The following RNF166 variants were observed in gnomAD, a reference collection of about 807,000 sequenced individuals.
RNF166 encodes the protein ring finger protein 166.
Under a neutral mutation model 29.4 loss-of-function variants are expected in RNF166, and 19 were observed. The observed-to-expected ratio is 0.65, with a 90% CI of 0.45 to 0.95. RNF166 has a LOEUF of 0.95. Ranked by LOEUF, RNF166 falls within the 40% of genes least tolerant of loss-of-function variation. RNF166 has a pLI of 0.00. For missense variants in RNF166, 347 were observed against 322.1 expected (o/e 1.08, Z -0.59); for synonymous variants, 171 against 134.5 (o/e 1.27, Z -1.88).
intron 5 of RNF166, 51 bp downstream of exon 5, chr16:88,698,451 G>A (rs749769459): frequency 1.7e-5 from 23 of 1,389,736 alleles, no homozygotes; most frequent in East Asian, 2.5e-5. Flanking sequence ...CGAGCAGGAG[G>A]AGGGTGGATG....
chr16:88,704,047 C>T (rs1167600125), intron 1 of RNF166: 5 of 985,474 alleles, frequency 5.1e-6, no homozygotes, highest in Non-Finnish European at 6.0e-6. Flanking sequence ...CCCAGGGGGC[C>T]TCCTGCGCGA....
intron 2 of RNF166, chr16:88,699,989 C>T: frequency 3.0e-6 from 1 of 336,610 alleles, no homozygotes; most frequent in Non-Finnish European, 5.5e-6. Flanking sequence ...TAGCGGGAAA[C>T]AGGTAAGGAG....
At chr16:88,698,267 G>T in intron 5 of RNF166, 4 of 693,788 alleles carry the variant, frequency 5.8e-6, no homozygotes, top group Non-Finnish European at 1.1e-5. Flanking sequence ...TGCCCTGTGC[G>T]GTCCATGTCC....
At chr16:88,698,245 C>G in intron 5 of RNF166, 1 of 656,172 alleles carries the variant, frequency 1.5e-6, no homozygotes. Context: ...GTGGGGTGGG[C>G]AGGCAGGGAC....
rs79609892 is a variant in RNF166, at chr16:88,698,267, G to C, written c.648+235C>G. ...GGGCAGGCAGGGACCTGCCCTGTGC[G>C]GTCCATGTCCCCGAGAGGCCTGGGC... On this transcript the variant is annotated intron_variant, in intron 5 of 5. Transcript: ENST00000312838. The C allele has an allele frequency of 7.1e-3, 4,937 of 693,776 alleles. 52 individuals carry two copies. Among genetic ancestry groups the C allele is most frequent in the Middle Eastern group, 0.023 (88 of 3,896 alleles). 43.0% of individuals were successfully genotyped at this position (693,776 alleles called of 1,614,324 possible).
At position 88,697,426 on chromosome 16, in the gene RNF166, G is replaced by A. The variant is rs903418842; in HGVS notation, c.*142C>T. 8.1e-6 allele frequency: 5 copies of A among 616,636 alleles called. No individual in the cohort carries two copies. The highest frequency in any genetic ancestry group is 3.8e-5 in the African/African-American group (2 of 53,076). The allele number at this position is 616,636 out of a possible 1,614,324, so 38.2% of individuals were successfully genotyped here. A position where few individuals can be genotyped will look rare whatever the true frequency, so the allele number is the denominator to read the frequency against. On this transcript the variant is annotated 3_prime_UTR_variant, in exon 6 of 6. Coordinates refer to ENST00000312838, the MANE Select transcript of RNF166 (RefSeq NM_178841.4). ...GGCCCGTATTCAGGCCCGGAGGCTC[G>A]GCCCCGGCTCCCCTTCTGCGCGGGT...
chr16:88,696,622 C>T lies in RNF166; in HGVS notation c.*946G>A, dbSNP rs752714988. ...CGCCAAGCGGGCCCCTGCCCAGGCC[C>T]CCAAGCTCTGCCACCACTGGGGTGC... On this transcript the variant is annotated 3_prime_UTR_variant, in exon 6 of 6. Coordinates refer to ENST00000312838, the MANE Select transcript of RNF166 (RefSeq NM_178841.4). 2.9e-5 allele frequency: 13 copies of T among 453,612 alleles called. 1 individual carries two copies. The highest frequency in any genetic ancestry group is 2.0e-4 in the South Asian group (13 of 64,120). 28.1% of individuals were successfully genotyped at this position (453,612 alleles called of 1,614,324 possible). A position where few individuals can be genotyped will look rare whatever the true frequency, so the allele number is the denominator to read the frequency against.
rs967306302 is a variant in RNF166 at position 88,703,179 on chromosome 16, G to A, written c.156-1761C>T. ...GAAACCCAGTGACCAGAAAGCAGAC[G>A]GGTGGGTGCCAGGCGAGGGGGAGAG... On this transcript the variant is annotated intron_variant, in intron 1 of 5. Coordinates refer to ENST00000312838, the MANE Select transcript of RNF166 (RefSeq NM_178841.4). The A allele has an allele frequency of 7.6e-5, 75 of 981,890 alleles. 1 individual carries two copies. Among genetic ancestry groups the A allele is most frequent in the South Asian group, 4.7e-5 (1 of 21,222 alleles). The allele number at this position is 981,890 out of a possible 1,614,324, so 60.8% of individuals were successfully genotyped here.
intron 2 of RNF166, chr16:88,701,043 C>T (rs1910163946): frequency 7.3e-7 from 1 of 1,373,148 alleles, no homozygotes; most frequent in Non-Finnish European, 9.6e-7. Flanking sequence ...GTGCTACCCC[C>T]ACCGGGCTGG....
intron 4 of RNF166, 108 bp downstream of exon 4, chr16:88,698,863 T>G: frequency 1.1e-6 from 1 of 889,990 alleles, no homozygotes; most frequent in Non-Finnish European, 1.8e-6. Context: ...CAGGAGGCCT[T>G]TGTGGCCTGG....
rs369715240 is a variant in RNF166 at position 88,697,659 on chromosome 16, C to T, written c.649-26G>A. The T allele has an allele frequency of 2.6e-5, 40 of 1,529,040 alleles. No homozygotes were observed. In the African/African-American group the frequency reaches 2.9e-4, roughly 11 times the overall value. 94.7% of individuals were successfully genotyped at this position (1,529,040 alleles called of 1,614,324 possible). On this transcript the variant is annotated intron_variant, in intron 5 of 5. Transcript: ENST00000312838. ...CTGGAGACAGGAAGGAGAGATGCAC[C>T]GGGCTCGAGGGAGACAGGAAGGAGA...
At chr16:88,702,860 C>G (rs1426022311) in intron 1 of RNF166, 3 of 985,518 alleles carry the variant, frequency 3.0e-6, no homozygotes, top group South Asian at 4.7e-5. Context: ...GGGGGGCCGC[C>G]TACTTCACCC....
chr16:88,703,317 C>T (rs1477447406), intron 1 of RNF166: 1 of 985,358 alleles, frequency 1.0e-6, no homozygotes, highest in Non-Finnish European at 1.2e-6. Flanking sequence ...GAACCCTGAG[C>T]TGCCAGAGAC....
chr16:88,706,251 G>C lies in RNF166; in HGVS notation c.75C>G (p.Ser25Arg). 7.7e-7 allele frequency: 1 copy of C among 1,304,646 alleles called. No homozygotes were observed. The highest frequency in any genetic ancestry group is 9.8e-7 in the Non-Finnish European group (1 of 1,023,896). 80.8% of individuals were successfully genotyped at this position (1,304,646 alleles called of 1,614,324 possible). ...QPPAGPAGGD[S>R]GLEAQYTCPI... is the part of the protein sequence containing the mutation. ...GGCAGGTGTACTGCGCCTCCAGGCC[G>C]CTGTCGCCGCCCGCCGGCCCGGCCG... Residue 25 changes from serine to arginine, a missense_variant, in exon 1 of 6, where the codon AGC becomes AGG. By Grantham distance (110) the Ser-to-Arg change is moderately radical. Transcript: ENST00000312838.
At chr16:88,706,109 C>G (rs992389305) in intron 1 of RNF166, 62 bp downstream of exon 1, 138 of 1,062,400 alleles carry the variant, frequency 1.3e-4, no homozygotes, top group Non-Finnish European at 1.5e-4. Context: ...CCGCCGGCCT[C>G]GCGACCCCTC....
chr16:88,706,061 A>T lies in RNF166; in HGVS notation c.155+110T>A, dbSNP rs1029598737. The stretch of plus-strand genomic sequence containing the variant: ...CGCGCCCCGAGGCCCCGGCGCCCCG[A>T]GTCCCCGCGCGCCCAGTCCGGAGCT... On this transcript the variant is annotated intron_variant, in intron 1 of 5. Transcript: ENST00000312838. 7 of 673,916 alleles carry T rather than the reference A, an allele frequency of 1.0e-5. No homozygotes were observed. In the African/African-American group the frequency reaches 1.4e-4, roughly 13 times the overall value. 41.7% of individuals were successfully genotyped at this position (673,916 alleles called of 1,614,324 possible).
In RNF166 at chr16:88,697,980, G is replaced by A. The variant is rs933642493; in HGVS notation, c.649-347C>T. The stretch of plus-strand genomic sequence containing the variant: ...GGCAGGCGGAGCGTGGGTCCCGGAC[G>A]ACTGGCAGAGGGAGTGACAGCCATC... On this transcript the variant is annotated intron_variant, in intron 5 of 5. Coordinates refer to ENST00000312838, the MANE Select transcript of RNF166 (RefSeq NM_178841.4). 9 of 472,104 alleles carry A rather than the reference G, an allele frequency of 1.9e-5. No homozygotes were observed. The Admixed American group carries it at 2.2e-4, about 12-fold the overall frequency. The allele number at this position is 472,104 out of a possible 1,614,324, so 29.2% of individuals were successfully genotyped here.
rs888110449 is a variant in RNF166, at chr16:88,697,477, C to T, written c.*91G>A. 28 of 950,194 alleles carry T rather than the reference C, an allele frequency of 2.9e-5. No individual in the cohort carries two copies. In the Admixed American group the frequency reaches 4.0e-4, roughly 13 times the overall value. The allele number at this position is 950,194 out of a possible 1,614,324, so 58.9% of individuals were successfully genotyped here. On this transcript the variant is annotated 3_prime_UTR_variant, in exon 6 of 6. Coordinates refer to ENST00000312838, the MANE Select transcript of RNF166 (RefSeq NM_178841.4). ...GCAGGCTCCTCCTGTGAGCTCAGTC[C>T]GGTGAGGTGCGCTCCCGAGCAGGTG...
intron 1 of RNF166, among the ~76,000 whole-genome samples, 185 bp downstream of exon 1, chr16:88,705,986 A>G (rs1910753421): frequency 6.6e-6 from 1 of 151,976 alleles, no homozygotes; most frequent in Non-Finnish European, 1.5e-5. Flanking sequence ...GCGGGGGATG[A>G]ACGCGCCCAG....
Sources: allele counts gnomAD v4.1 joint callset (sites outside exome capture counted in the v4.1 genomes callset), GRCh38; gene constraint gnomAD v4.1.1; transcripts MANE v1.5; gene names NCBI Gene and HGNC (gene_info 2026-07-23, HGNC 2026-07-21).